The following NEBL variants were observed in gnomAD, a reference collection of about 807,000 sequenced individuals.
NEBL encodes the protein LIM and SH3 protein 2.
In NEBL, 122 loss-of-function variants were observed where a neutral mutation model predicts 140.2. The ratio of observed to expected loss-of-function variants is 0.87; its 90% CI spans 0.75 to 1.01. NEBL has a LOEUF of 1.01. NEBL is among the 50% of genes least tolerant of loss of function. The pLI is 0.00. For synonymous variants in NEBL, 436 were observed against 398.9 expected (o/e 1.09, Z -1.11); for missense variants, 1,365 against 1,231.3 (o/e 1.11, Z -1.62).
intron 3 of NEBL, among the ~76,000 whole-genome samples, chr10:21,236,392 G>C (rs1234454369): frequency 2.8e-5 from 4 of 144,624 alleles, no homozygotes; most frequent in African/African-American, 1.0e-4. Flanking sequence ...CTGTTGCCCA[G>C]GCTGGAGTGC....
chr10:21,286,803 C>T (rs761418646), intron 1 of NEBL, among the ~76,000 whole-genome samples: 3 of 151,576 alleles, frequency 2.0e-5, no homozygotes, highest in Non-Finnish European at 2.9e-5. Context: ...GGCGCCACTG[C>T]GCTCCAGCCT....
intron 24 of NEBL, among the ~76,000 whole-genome samples, chr10:20,810,956 G>T (rs1337140359): frequency 6.6e-6 from 1 of 152,104 alleles, no homozygotes; most frequent in Non-Finnish European, 1.5e-5. Flanking sequence ...TGAGTAGCTT[G>T]GCCAAGGTTA....
intron 26 of NEBL, among the ~76,000 whole-genome samples, chr10:20,789,429 G>T (rs1835726091): frequency 6.6e-6 from 1 of 152,120 alleles, no homozygotes; most frequent in African/African-American, 2.4e-5. Context: ...GGGAAAATAG[G>T]CTATCTCACA....
chr10:21,042,523 C>T (rs904644272), intron 2 of NEBL, among the ~76,000 whole-genome samples: 2 of 152,198 alleles, frequency 1.3e-5, no homozygotes, highest in Non-Finnish European at 2.9e-5. Context: ...TATGTTACTA[C>T]GTGGTATTAT....
chr10:20,850,487 C>A lies in NEBL; in HGVS notation c.1024G>T (p.Glu342Ter). 1 of 1,599,980 alleles carries A rather than the reference C, an allele frequency of 6.3e-7. No homozygotes were observed. The highest frequency in any genetic ancestry group is 8.6e-7 in the Non-Finnish European group (1 of 1,167,392). Residue 342 changes from glutamate to a stop codon, truncating the protein, a stop_gained, in exon 11 of 28, where the codon GAA becomes TAA. Coordinates refer to ENST00000377122, the MANE Select transcript of NEBL (RefSeq NM_006393.3). LOFTEE classifies it high-confidence loss of function. ...GGCTTTCCCTTATTTTTCTCATATT[C>A]TTCTTTATATTTCACCTTCATTGGA... ...VLQSQVKYKE[E>*]YEKNKGKPML...
At chr10:21,053,426 A>C (rs551553267) in intron 2 of NEBL, among the ~76,000 whole-genome samples, 1 of 152,216 alleles carries the variant, frequency 6.6e-6, no homozygotes, top group Non-Finnish European at 1.5e-5. Context: ...CAAGAATATT[A>C]TCTATGATTG....
intron 5 of NEBL, among the ~76,000 whole-genome samples, chr10:20,879,295 T>C (rs1055762853): frequency 6.6e-6 from 1 of 152,152 alleles, no homozygotes; most frequent in Non-Finnish European, 1.5e-5. Flanking sequence ...GAATCGGAAA[T>C]GATCAAAGTC....
intron 3 of NEBL, among the ~76,000 whole-genome samples, chr10:21,014,592 C>A (rs1294301152): frequency 6.6e-6 from 1 of 152,180 alleles, no homozygotes; most frequent in African/African-American, 2.4e-5. Flanking sequence ...CTTTAAGATG[C>A]AACTCCCCCC....
At chr10:21,182,657 A>C (rs886402264) in intron 3 of NEBL, among the ~76,000 whole-genome samples, 5 of 152,082 alleles carry the variant, frequency 3.3e-5, no homozygotes, top group Non-Finnish European at 1.5e-5. Context: ...GGAATAGTCC[A>C]AAGATCCACA....
intron 3 of NEBL, among the ~76,000 whole-genome samples, chr10:20,965,726 G>A (rs1836281311): frequency 6.6e-6 from 1 of 152,202 alleles, no homozygotes; most frequent in Non-Finnish European, 1.5e-5. Flanking sequence ...TTGGAAGTGT[G>A]CAGGACAGAC....
At chr10:21,060,419 C>T in intron 2 of NEBL, among the ~76,000 whole-genome samples, 1 of 152,198 alleles carries the variant, frequency 6.6e-6, no homozygotes, top group Non-Finnish European at 1.5e-5. Context: ...GGTTCTCAAA[C>T]TTGAGCGTGT....
intron 2 of NEBL, among the ~76,000 whole-genome samples, chr10:21,109,995 C>G (rs529206910): frequency 6.6e-6 from 1 of 152,092 alleles, no homozygotes; most frequent in Non-Finnish European, 1.5e-5. Context: ...TTTCATGCCT[C>G]TATCTCCTTC....
intron 3 of NEBL, among the ~76,000 whole-genome samples, chr10:20,992,201 A>T (rs1837483362): frequency 6.6e-6 from 1 of 152,270 alleles, no homozygotes; most frequent in Admixed American, 6.5e-5. Flanking sequence ...TGGTTTAAAA[A>T]TAGATATTAC....
At chr10:21,056,996 A>G (rs1447117913) in intron 2 of NEBL, among the ~76,000 whole-genome samples, 1 of 152,150 alleles carries the variant, frequency 6.6e-6, no homozygotes, top group Non-Finnish European at 1.5e-5. Flanking sequence ...TATATGATAT[A>G]TTTATCAAAT....
chr10:21,022,641 T>C lies in NEBL; in HGVS notation c.165-2440A>G, dbSNP rs556188046. Among the ~76,000 whole-genome samples the C allele has an allele frequency of 2.6e-5, 4 of 152,352 alleles. No homozygotes were observed. In the South Asian group the frequency reaches 6.2e-4, roughly 24 times the overall value. On this transcript the variant is annotated intron_variant, in intron 2 of 6. Coordinates refer to the NEBL transcript ENST00000417816. ...ACAATTTTCCTGCCTTCTTAGAGTA[T>C]AAACGAATCTAGTTATATTTTTTCC...
At chr10:21,058,201 G>A (rs1835116165) in intron 2 of NEBL, among the ~76,000 whole-genome samples, 2 of 152,166 alleles carry the variant, frequency 1.3e-5, no homozygotes, top group African/African-American at 2.4e-5. Flanking sequence ...TCAGGAGCCA[G>A]GGTTAGTTCA....
intron 2 of NEBL, among the ~76,000 whole-genome samples, chr10:21,165,011 C>A (rs1038611790): frequency 4.6e-5 from 7 of 152,210 alleles, no homozygotes; most frequent in African/African-American, 1.2e-4. Flanking sequence ...TCACTTTTAA[C>A]AATGTGACCT....
chr10:21,267,444 T>G (rs1404878984), intron 1 of NEBL, among the ~76,000 whole-genome samples: 3 of 152,240 alleles, frequency 2.0e-5, no homozygotes, highest in Non-Finnish European at 4.4e-5. Flanking sequence ...TTTGGATAGT[T>G]GGGAAAAAAA....
chr10:21,113,143 GA>G (rs1383346972), intron 2 of NEBL: 1 of 281,908 alleles, frequency 3.5e-6, no homozygotes, highest in African/African-American at 2.3e-5. Context: ...AGAGGAGGAG[GA>G]GGAGATTTTG....
Sources: allele counts gnomAD v4.1 joint callset (sites outside exome capture counted in the v4.1 genomes callset), GRCh38; gene constraint gnomAD v4.1.1; transcripts MANE v1.5; gene names NCBI Gene and HGNC (gene_info 2026-07-23, HGNC 2026-07-21).